Variants in PAK5 observed in about 807,000 individuals in gnomAD.
The protein encoded by PAK5 is serine/threonine-protein kinase PAK 5.
In PAK5, 16 loss-of-function variants were observed where a neutral mutation model predicts 65.9. The observed-to-expected ratio is 0.24, with a 90% CI of 0.16 to 0.37. The LOEUF (loss-of-function observed/expected upper bound fraction) is 0.37, where lower values mean the gene tolerates loss of function less well. Ranked by LOEUF, PAK5 falls within the 10% of genes least tolerant of loss-of-function variation. PAK5 has a pLI of 1.00. For synonymous variants in PAK5, 371 were observed against 354.9 expected (o/e 1.05, Z -0.51); for missense variants, 785 against 903.9 (o/e 0.87, Z 1.69).
At chr20:9,613,947 AAAC>A (rs1398705970) in intron 3 of PAK5, among the ~76,000 whole-genome samples, 1 of 149,940 alleles carries the variant, frequency 6.7e-6, no homozygotes, top group East Asian at 1.9e-4. Flanking sequence ...GGCTATCAAC[AAAC>A]AATCACAAGG....
intron 3 of PAK5, among the ~76,000 whole-genome samples, chr20:9,588,591 G>A (rs775008741): frequency 1.3e-5 from 2 of 152,202 alleles, no homozygotes; most frequent in Non-Finnish European, 2.9e-5. Flanking sequence ...AAGTGGCAAA[G>A]CAGTAATAAT....
chr20:9,756,462 G>A (rs1190807670), intron 1 of PAK5, among the ~76,000 whole-genome samples: 1 of 152,060 alleles, frequency 6.6e-6, no homozygotes, highest in Non-Finnish European at 1.5e-5. Context: ...TGATACAGTA[G>A]CCACACACCA....
In PAK5 at chr20:9,539,360, G is replaced by T; in HGVS notation, c.*102C>A. 8.7e-7 allele frequency: 1 copy of T among 1,149,476 alleles called. No homozygotes were observed. Among genetic ancestry groups the T allele is most frequent in the Non-Finnish European group, 1.3e-6 (1 of 781,082 alleles). 71.2% of individuals were successfully genotyped at this position (1,149,476 alleles called of 1,614,324 possible). A position where few individuals can be genotyped will look rare whatever the true frequency, so the allele number is the denominator to read the frequency against. ...ATCACGCTGTCCCACCAATTGGCTG[G>T]TCTAGAATGCACAGGCCTTTTGCAT... is the stretch of plus-strand genomic sequence containing the variant. On this transcript the variant is annotated 3_prime_UTR_variant, in exon 10 of 10. Transcript: ENST00000353224.
chr20:9,742,927 C>T (rs929128879), intron 1 of PAK5, among the ~76,000 whole-genome samples: 3 of 152,172 alleles, frequency 2.0e-5, no homozygotes, highest in Non-Finnish European at 4.4e-5. Context: ...ACTAACAGGA[C>T]GATAACCCAG....
chr20:9,598,999 G>A lies in PAK5; in HGVS notation c.205-18069C>T, dbSNP rs1022628732. 9.2e-5 allele frequency among the ~76,000 whole-genome samples: 14 copies of A among 152,016 alleles called. 1 individual carries two copies. Among genetic ancestry groups the A allele is most frequent in the Admixed American group, 2.6e-4 (4 of 15,260 alleles). On this transcript the variant is annotated intron_variant, in intron 3 of 9. Coordinates refer to ENST00000353224, the MANE Select transcript of PAK5 (RefSeq NM_177990.4). ...AACTTTTTTTAAATCATCTCACGTA[G>A]AAACTTTGTACCCATTAAACAATAA...
At chr20:9,738,435 T>C (rs527561562) in intron 1 of PAK5, among the ~76,000 whole-genome samples, 2 of 152,282 alleles carry the variant, frequency 1.3e-5, no homozygotes, top group South Asian at 4.1e-4. Context: ...AACAGGTGAA[T>C]GTATAAACAA....
At chr20:9,715,152 A>G (rs1341501679) in intron 1 of PAK5, among the ~76,000 whole-genome samples, 1 of 152,260 alleles carries the variant, frequency 6.6e-6, no homozygotes, top group Non-Finnish European at 1.5e-5. Context: ...CTCATTTGAC[A>G]AAGGGCTAAT....
At chr20:9,831,238 T>G (rs906392443) in intron 1 of PAK5, among the ~76,000 whole-genome samples, 2 of 152,230 alleles carry the variant, frequency 1.3e-5, no homozygotes, top group Non-Finnish European at 2.9e-5. Flanking sequence ...TGCGTGTGTT[T>G]GGGATTCCCC....
intron 2 of PAK5, among the ~76,000 whole-genome samples, chr20:9,658,818 G>C (rs1254079268): frequency 6.6e-6 from 1 of 152,234 alleles, no homozygotes; most frequent in Non-Finnish European, 1.5e-5. Flanking sequence ...TATTTTTAAA[G>C]ATGAGCACAA....
At chr20:9,569,285 G>A (rs973326007) in intron 4 of PAK5, among the ~76,000 whole-genome samples, 1 of 152,172 alleles carries the variant, frequency 6.6e-6, no homozygotes, top group African/African-American at 2.4e-5. Context: ...AGAGTGATTA[G>A]ACATCCATGT....
intron 1 of PAK5, among the ~76,000 whole-genome samples, chr20:9,717,694 A>T (rs2048165769): frequency 6.6e-6 from 1 of 152,232 alleles, no homozygotes; most frequent in Non-Finnish European, 1.5e-5. Flanking sequence ...ATCTTGGCTC[A>T]TTGCAACCTC....
intron 1 of PAK5, among the ~76,000 whole-genome samples, chr20:9,766,066 A>T (rs970152405): frequency 6.6e-5 from 10 of 151,806 alleles, no homozygotes; most frequent in Non-Finnish European, 1.5e-4. Context: ...TACTAAAAAT[A>T]CAAAATTTAG....
chr20:9,562,689 G>A (rs921655631), intron 6 of PAK5, among the ~76,000 whole-genome samples: 1 of 152,158 alleles, frequency 6.6e-6, no homozygotes, highest in Admixed American at 6.6e-5. Context: ...GTCCTTCTGA[G>A]GGCAGGGAGA....
chr20:9,789,871 C>T (rs939337366), intron 1 of PAK5, among the ~76,000 whole-genome samples: 1 of 152,062 alleles, frequency 6.6e-6, no homozygotes, highest in African/African-American at 2.4e-5. Context: ...GGAATGATAC[C>T]AACAAAATGA....
At chr20:9,794,843 A>G (rs2049088139) in intron 1 of PAK5, among the ~76,000 whole-genome samples, 1 of 152,086 alleles carries the variant, frequency 6.6e-6, no homozygotes, top group African/African-American at 2.4e-5. Context: ...ATTCGACGAA[A>G]GAAAAACCAT....
chr20:9,805,484 A>G lies in PAK5; in HGVS notation c.-162+33278T>C, dbSNP rs114258575. 4.9e-3 allele frequency among the ~76,000 whole-genome samples: 741 copies of G among 152,338 alleles called. 5 individuals carry two copies. The highest frequency in any genetic ancestry group is 0.017 in the African/African-American group (692 of 41,588). The stretch of plus-strand genomic sequence containing the variant: ...GTGAAAACAACTCACATGTTCATCA[A>G]TGATGAATGGATAAACAAGATGTGG... On this transcript the variant is annotated intron_variant, in intron 1 of 9. Transcript: ENST00000353224.
chr20:9,722,697 T>C (rs2048231453), intron 1 of PAK5, among the ~76,000 whole-genome samples: 1 of 152,062 alleles, frequency 6.6e-6, no homozygotes, highest in East Asian at 1.9e-4. Context: ...CAGGCTACAG[T>C]AAATATTTTG....
chr20:9,716,159 A>T (rs1385720284), intron 1 of PAK5, among the ~76,000 whole-genome samples: 20 of 11,576 alleles, frequency 1.7e-3, no homozygotes, highest in Non-Finnish European at 3.6e-3. Flanking sequence ...AAAAAAAATT[A>T]AAAAAAAAAA....
intron 2 of PAK5, among the ~76,000 whole-genome samples, chr20:9,653,144 T>C (rs1256470180): frequency 6.6e-6 from 1 of 152,160 alleles, no homozygotes; most frequent in Non-Finnish European, 1.5e-5. Flanking sequence ...AAGGAAAACA[T>C]ATTTAAATTT....
Sources: allele counts gnomAD v4.1 joint callset (sites outside exome capture counted in the v4.1 genomes callset), GRCh38; gene constraint gnomAD v4.1.1; transcripts MANE v1.5; gene names NCBI Gene and HGNC (gene_info 2026-07-23, HGNC 2026-07-21).